The following BMPR2 variants were observed in gnomAD, a reference collection of about 807,000 sequenced individuals.
BMPR2 encodes bone morphogenetic protein receptor type 2, also known as bone morphogenetic protein receptor type-2.
In BMPR2, 29 loss-of-function variants were observed where a neutral mutation model predicts 100.8. That is an observed-to-expected ratio of 0.29 (90% CI 0.21 to 0.39). The LOEUF (loss-of-function observed/expected upper bound fraction) is 0.39. Among genes scored for constraint, BMPR2 ranks in the 10% least tolerant of loss-of-function variants. The pLI is 1.00. For missense variants in BMPR2, 1,011 were observed against 1,274.5 expected, an observed-to-expected ratio of 0.79 and a Z score of 3.15; for synonymous variants, 382 against 442.3, an observed-to-expected ratio of 0.86 and a Z score of 1.71.
chr2:202,544,391 C>A (rs1056189062), intron 10 of BMPR2, among the ~76,000 whole-genome samples: 1 of 152,040 alleles, frequency 6.6e-6, no homozygotes, highest in Non-Finnish European at 1.5e-5. Context: ...CCCTCACACT[C>A]GAGTAATAAT....
intron 1 of BMPR2, among the ~76,000 whole-genome samples, chr2:202,457,498 T>A (rs1359268622): frequency 6.7e-6 from 1 of 150,132 alleles, no homozygotes; most frequent in Non-Finnish European, 1.5e-5. Context: ...ATCAATTATT[T>A]TTAGCAAGCA....
At chr2:202,519,078 G>A in intron 6 of BMPR2, 26 bp downstream of exon 6, 2 of 1,607,132 alleles carry the variant, frequency 1.2e-6, no homozygotes, top group Non-Finnish European at 1.7e-6. Context: ...AAAATAAACT[G>A]AGGCCAGGTG....
chr2:202,378,844 C>T (rs1404017772), intron 1 of BMPR2, among the ~76,000 whole-genome samples: 1 of 151,948 alleles, frequency 6.6e-6, no homozygotes, highest in Non-Finnish European at 1.5e-5. Context: ...CATGTGGTTC[C>T]TGTAAAATAT....
At chr2:202,469,138 C>G (rs1329531263) in intron 3 of BMPR2, among the ~76,000 whole-genome samples, 1 of 152,114 alleles carries the variant, frequency 6.6e-6, no homozygotes, top group Non-Finnish European at 1.5e-5. Flanking sequence ...TCAAGCGATT[C>G]TCCTGCCTCA....
At chr2:202,557,335 G>A (rs1559074727) in intron 12 of BMPR2, among the ~76,000 whole-genome samples, 5 of 152,046 alleles carry the variant, frequency 3.3e-5, no homozygotes, top group Admixed American at 1.3e-4. Context: ...GTGGTGGTGG[G>A]CACCTGTAAT....
intron 1 of BMPR2, among the ~76,000 whole-genome samples, chr2:202,447,280 G>A (rs921695432): frequency 6.6e-6 from 1 of 150,426 alleles, no homozygotes; most frequent in African/African-American, 2.5e-5. Context: ...CTACCCTTGA[G>A]CCTGGGCGAT....
chr2:202,542,518 A>G, intron 10 of BMPR2, 71 bp downstream of exon 10: 1 of 1,549,084 alleles, frequency 6.5e-7, no homozygotes, highest in Middle Eastern at 1.8e-4. Flanking sequence ...TGAAACAAAA[A>G]TAGACTGTTA....
chr2:202,520,379 A>G (rs1212820544), intron 7 of BMPR2, 178 bp downstream of exon 7: 7 of 631,176 alleles, frequency 1.1e-5, no homozygotes, highest in Non-Finnish European at 1.9e-5. Flanking sequence ...GAGCTTTCCC[A>G]CGCAGCTGCC....
chr2:202,434,200 T>C (rs1223574946), intron 1 of BMPR2, among the ~76,000 whole-genome samples: 1 of 150,498 alleles, frequency 6.6e-6, no homozygotes, highest in Non-Finnish European at 1.5e-5. Flanking sequence ...TTTAAACAAA[T>C]GGGATCAAGA....
intron 3 of BMPR2, among the ~76,000 whole-genome samples, chr2:202,493,346 T>TCTA (rs1163032891): frequency 2.0e-5 from 3 of 152,154 alleles, no homozygotes; most frequent in African/African-American, 7.2e-5. Flanking sequence ...TTCTATCATA[T>TCTA]CTAAAAAGTA....
At chr2:202,388,379 A>AG (rs1690474397) in intron 1 of BMPR2, among the ~76,000 whole-genome samples, 1 of 127,144 alleles carries the variant, frequency 7.9e-6, no homozygotes, top group Non-Finnish European at 1.6e-5. Flanking sequence ...CCTGGGTGAC[A>AG]GAGCGAGACT....
intron 1 of BMPR2, among the ~76,000 whole-genome samples, chr2:202,411,345 G>A (rs966763613): frequency 1.3e-5 from 2 of 152,126 alleles, no homozygotes; most frequent in Admixed American, 6.6e-5. Flanking sequence ...ATTTACAAAG[G>A]CACTCCAATG....
At position 202,566,313 on chromosome 2, in the gene BMPR2, A is replaced by G. The variant is rs1688762547; in HGVS notation, c.*6367A>G. 3 of 152,646 alleles carry G rather than the reference A, an allele frequency of 2.0e-5. No individual in the cohort carries two copies. The highest frequency in any genetic ancestry group is 7.2e-5 in the African/African-American group (3 of 41,468). The allele number at this position is 152,646 out of a possible 1,614,324, so 9.5% of individuals were successfully genotyped here. On this transcript the variant is annotated 3_prime_UTR_variant, in exon 13 of 13. Transcript: ENST00000374580. ...TCCCTTTGTACACTGAAAAAGTTCA[A>G]TTGTTAGCAAGTAAGCAATTAGATC...
chr2:202,522,802 C>G (rs1574490218), intron 7 of BMPR2, among the ~76,000 whole-genome samples: 1 of 151,882 alleles, frequency 6.6e-6, no homozygotes, highest in East Asian at 1.9e-4. Context: ...TGCACTTCAG[C>G]CTGGGTGACA....
At chr2:202,440,002 A>G (rs1691699691) in intron 1 of BMPR2, among the ~76,000 whole-genome samples, 2 of 150,274 alleles carry the variant, frequency 1.3e-5, no homozygotes, top group Non-Finnish European at 2.9e-5. Flanking sequence ...CCCTGAGTGG[A>G]CACAGCACAT....
rs746303056 is a variant in BMPR2, at chr2:202,542,275, A to C, written c.1277-36A>C. The C allele has an allele frequency of 6.8e-6, 11 of 1,611,052 alleles. No homozygotes were observed. The East Asian group carries it at 2.2e-4, about 33-fold the overall frequency. On this transcript the variant is annotated intron_variant, in intron 9 of 12. Coordinates refer to ENST00000374580, the MANE Select transcript of BMPR2 (RefSeq NM_001204.7). ...TATTCTATCATTTATGATAGTTAGA[A>C]ATTTTATTCTGTCATTCTTTTCTAC...
At position 202,530,810 on chromosome 2, in the gene BMPR2, A is replaced by C. The variant is rs749438440; in HGVS notation, c.984A>C (p.Ala328=). 4 of 1,612,944 alleles carry C rather than the reference A, an allele frequency of 2.5e-6. No homozygotes were observed. The highest frequency in any genetic ancestry group is 3.4e-6 in the Non-Finnish European group (4 of 1,179,074). ...ELPRGDHYKP[A]ISHRDLNSRN... The stretch of plus-strand genomic sequence containing the variant: ...TCCAAACAGATCATTATAAACCTGC[A>C]ATTTCCCATCGAGATTTAAACAGCA... Residue 328 remains alanine, a synonymous_variant, in exon 8 of 13, where the codon GCA becomes GCC. Coordinates refer to ENST00000374580, the MANE Select transcript of BMPR2 (RefSeq NM_001204.7).
intron 1 of BMPR2, among the ~76,000 whole-genome samples, chr2:202,418,219 C>T (rs1049970683): frequency 1.3e-5 from 2 of 152,160 alleles, no homozygotes; most frequent in African/African-American, 4.8e-5. Context: ...CTAAAGCATC[C>T]AGGCCCTTCT....
chr2:202,512,817 T>G (rs532187425), intron 3 of BMPR2, among the ~76,000 whole-genome samples: 1 of 152,264 alleles, frequency 6.6e-6, no homozygotes, highest in South Asian at 2.1e-4. Flanking sequence ...GGTCATATGT[T>G]AAGTGGAAGA....
Sources: allele counts gnomAD v4.1 joint callset (sites outside exome capture counted in the v4.1 genomes callset), GRCh38; gene constraint gnomAD v4.1.1; transcripts MANE v1.5; gene names NCBI Gene and HGNC (gene_info 2026-07-23, HGNC 2026-07-21).